Variants in MCTP1 observed in about 807,000 individuals in gnomAD.
MCTP1 encodes the protein multiple C2 and transmembrane domain-containing protein 1.
In MCTP1, 69 loss-of-function variants were observed where a neutral mutation model predicts 120.6. That is an observed-to-expected ratio of 0.57 (90% CI 0.47 to 0.70). The LOEUF (loss-of-function observed/expected upper bound fraction) is 0.70. MCTP1 is among the 30% of genes least tolerant of loss of function. The probability of loss-of-function intolerance (pLI) is 0.00; values close to 1 mark genes in which losing one functional copy is unlikely to be tolerated. For missense variants in MCTP1, 1,203 were observed against 1,248.8 expected (o/e 0.96, Z 0.55); for synonymous variants, 529 against 493.1 (o/e 1.07, Z -0.96).
chr5:95,037,562 A>G (rs761521977), intron 1 of MCTP1, among the ~76,000 whole-genome samples: 19 of 152,268 alleles, frequency 1.2e-4, no homozygotes, highest in Non-Finnish European at 2.8e-4. Context: ...TAATGTAGAG[A>G]CTTAAAAATA....
At chr5:95,259,539 G>A (rs1482103407) in intron 1 of MCTP1, among the ~76,000 whole-genome samples, 1 of 152,148 alleles carries the variant, frequency 6.6e-6, no homozygotes, top group Non-Finnish European at 1.5e-5. Context: ...ATTGTCCCCA[G>A]TGAAACACAA....
At position 94,776,614 on chromosome 5, in the gene MCTP1, A is replaced by G. The variant is rs145586517; in HGVS notation, c.2610+2496T>C. On this transcript the variant is annotated intron_variant, in intron 19 of 22. Coordinates refer to ENST00000515393, the MANE Select transcript of MCTP1 (RefSeq NM_024717.7). ...ACATTTATTAATCTTTTTTACTTTT[A>G]TCCTATAAGAGGACCCACTGACCTG... 6.4e-3 allele frequency among the ~76,000 whole-genome samples: 981 copies of G among 152,262 alleles called. 13 individuals carry two copies. The highest frequency in any genetic ancestry group is 9.3e-3 in the Non-Finnish European group (630 of 68,026).
intron 6 of MCTP1, among the ~76,000 whole-genome samples, chr5:94,926,430 T>G (rs770853787): frequency 8.6e-5 from 13 of 152,034 alleles, no homozygotes; most frequent in Non-Finnish European, 1.3e-4. Context: ...ACTTTCCTGG[T>G]CAGATTGCAA....
chr5:95,050,262 A>T (rs1312835908), intron 1 of MCTP1, among the ~76,000 whole-genome samples: 1 of 152,260 alleles, frequency 6.6e-6, no homozygotes. Flanking sequence ...TCAGATAAAT[A>T]AAATACAATT....
At chr5:95,267,155 G>C (rs1582698331) in intron 1 of MCTP1, among the ~76,000 whole-genome samples, 1 of 152,168 alleles carries the variant, frequency 6.6e-6, no homozygotes, top group Non-Finnish European at 1.5e-5. Flanking sequence ...CTTTAGATCT[G>C]TTCAACGGAA....
chr5:94,812,450 G>C (rs1412942390), intron 17 of MCTP1, among the ~76,000 whole-genome samples: 2 of 109,786 alleles, frequency 1.8e-5, no homozygotes, highest in African/African-American at 7.2e-5. Flanking sequence ...TTAGGTCAGG[G>C]ATACGAAAAA....
chr5:94,893,531 G>C (rs1011075446), intron 11 of MCTP1, among the ~76,000 whole-genome samples: 14 of 152,078 alleles, frequency 9.2e-5, no homozygotes, highest in Admixed American at 7.9e-4. Flanking sequence ...CTATTAAACT[G>C]TTTATGATAA....
At chr5:94,804,243 T>C (rs920234950) in intron 17 of MCTP1, among the ~76,000 whole-genome samples, 2 of 152,150 alleles carry the variant, frequency 1.3e-5, no homozygotes, top group African/African-American at 4.8e-5. Context: ...AAAGAAGTGA[T>C]TTCAGTTCAA....
rs146754867 is a variant in MCTP1 at position 94,939,224 on chromosome 5, C to T, written c.1173+860G>A. ...AGTCTAGGGGAAAACGCCAACAATACCTTTCCAGCAGACAATCTATAACCA... is the reference window on the plus strand; with the variant it reads ...AGTCTAGGGGAAAACGCCAACAATATCTTTCCAGCAGACAATCTATAACCA... On this transcript the variant is annotated intron_variant, in intron 5 of 22. Coordinates refer to ENST00000515393, the MANE Select transcript of MCTP1 (RefSeq NM_024717.7). Among the ~76,000 whole-genome samples the T allele has an allele frequency of 1.5e-3, 232 of 152,138 alleles. 2 individuals are homozygous for T. The highest frequency in any genetic ancestry group is 0.01 in the Middle Eastern group (3 of 294).
chr5:94,880,289 G>T (rs1799777273), intron 12 of MCTP1, among the ~76,000 whole-genome samples: 1 of 152,072 alleles, frequency 6.6e-6, no homozygotes, highest in African/African-American at 2.4e-5. Context: ...AGGCTTGTTA[G>T]ATACTTTAGG....
chr5:94,777,467 A>G (rs1312973398), intron 19 of MCTP1, among the ~76,000 whole-genome samples: 1 of 152,178 alleles, frequency 6.6e-6, no homozygotes, highest in Non-Finnish European at 1.5e-5. Flanking sequence ...GACTAAAAAC[A>G]TAGGTTGACT....
intron 19 of MCTP1, among the ~76,000 whole-genome samples, chr5:94,761,607 G>A (rs979279020): frequency 6.6e-6 from 1 of 152,132 alleles, no homozygotes; most frequent in African/African-American, 2.4e-5. Flanking sequence ...GAGGCAATAG[G>A]CTCCGTATTT....
At chr5:94,932,945 C>A (rs1299046806) in intron 5 of MCTP1, among the ~76,000 whole-genome samples, 2 of 151,812 alleles carry the variant, frequency 1.3e-5, no homozygotes, top group Non-Finnish European at 2.9e-5. Flanking sequence ...TAGAATAACA[C>A]AAAAATGAAA....
At chr5:94,710,967 A>G (rs1756720445) in intron 20 of MCTP1, 40 bp from the exon 21 acceptor site, 1 of 1,358,370 alleles carries the variant, frequency 7.4e-7, no homozygotes, top group African/African-American at 1.4e-5. Context: ...TGAGTACTTC[A>G]TACTTTTTTC....
intron 1 of MCTP1, among the ~76,000 whole-genome samples, chr5:95,130,294 C>A (rs2152422671): frequency 6.6e-6 from 1 of 152,256 alleles, no homozygotes; most frequent in African/African-American, 2.4e-5. Context: ...TCTCCTACCT[C>A]CTGGAATCTT....
At chr5:95,125,975 A>G (rs564694144) in intron 1 of MCTP1, among the ~76,000 whole-genome samples, 1 of 152,382 alleles carries the variant, frequency 6.6e-6, no homozygotes, top group East Asian at 1.9e-4. Flanking sequence ...AAAGCTATGA[A>G]GAAAGATAAC....
At chr5:95,041,072 C>G (rs1334872122) in intron 1 of MCTP1, among the ~76,000 whole-genome samples, 1 of 151,842 alleles carries the variant, frequency 6.6e-6, no homozygotes, top group Non-Finnish European at 1.5e-5. Flanking sequence ...TAAGTCAGTT[C>G]GAGTTTTTTT....
At position 94,706,346 on chromosome 5, in the gene MCTP1, G is replaced by C. The variant is rs1754586862; in HGVS notation, c.*1150C>G. 1 of 151,524 alleles carries C rather than the reference G, an allele frequency of 6.6e-6. No homozygotes were observed. 9.4% of individuals were successfully genotyped at this position (151,524 alleles called of 1,614,324 possible). A position where few individuals can be genotyped will look rare whatever the true frequency, so the allele number is the denominator to read the frequency against. ...CTTGGGAATGCAATTTTTAAGTATA[G>C]ATTCTATGATAATAGTGAAACATTG... On this transcript the variant is annotated 3_prime_UTR_variant, in exon 23 of 23. Transcript: ENST00000515393.
At chr5:95,117,770 C>T (rs533030348) in intron 1 of MCTP1, among the ~76,000 whole-genome samples, 1 of 152,244 alleles carries the variant, frequency 6.6e-6, no homozygotes, top group South Asian at 2.1e-4. Context: ...AGCCAAATGC[C>T]CATCAGTGAT....
Sources: gnomAD v4.1 joint callset for allele counts (sites outside exome capture counted in the v4.1 genomes callset) on GRCh38, gnomAD v4.1.1 for gene constraint, MANE v1.5 for transcripts, NCBI Gene and HGNC (gene_info 2026-07-23, HGNC 2026-07-21) for gene names.